The following USP43 variants were observed in gnomAD, a reference collection of about 807,000 sequenced individuals.
USP43 encodes the protein ubiquitin specific peptidase 43.
Under a neutral mutation model 90.7 loss-of-function variants are expected in USP43, and 33 were observed. The ratio of observed to expected loss-of-function variants is 0.36; its 90% CI spans 0.28 to 0.49. USP43 has a LOEUF of 0.49. Among genes scored for constraint, USP43 ranks in the 20% least tolerant of loss-of-function variants. The pLI is 0.98. For missense variants in USP43, 1,274 were observed against 1,476.4 expected, an observed-to-expected ratio of 0.86 and a Z score of 2.25; for synonymous variants, 598 against 615.8, an observed-to-expected ratio of 0.97 and a Z score of 0.43.
chr17:9,668,262 T>C (rs920262411), intron 3 of USP43, among the ~76,000 whole-genome samples: 4 of 152,236 alleles, frequency 2.6e-5, no homozygotes, highest in African/African-American at 9.6e-5. Flanking sequence ...TCTTATTGAC[T>C]TCTCTTCAAA....
intron 9 of USP43, among the ~76,000 whole-genome samples, chr17:9,698,374 C>T (rs1487483221): frequency 5.9e-5 from 9 of 152,120 alleles, no homozygotes; most frequent in African/African-American, 2.2e-4. Flanking sequence ...CATTTGCTTT[C>T]GAGGTCTCAG....
At chr17:9,681,097 C>CATATAGTATATAAT (rs1914148514) in intron 6 of USP43, among the ~76,000 whole-genome samples, 2 of 71,202 alleles carry the variant, frequency 2.8e-5, no homozygotes, top group African/African-American at 1.4e-4. Flanking sequence ...TAATATATGA[C>CATATAGTATATAAT]ATATACTATA....
chr17:9,666,348 G>A (rs16958564), intron 2 of USP43, among the ~76,000 whole-genome samples: 34,491 of 151,966 alleles, frequency 0.23, 4,547 homozygotes, highest in African/African-American at 0.37. Flanking sequence ...GAAATAACGC[G>A]CAGGGCCGTC....
chr17:9,712,181 G>A, intron 14 of USP43, 49 bp downstream of exon 14: 1 of 1,508,424 alleles, frequency 6.6e-7, no homozygotes, highest in Non-Finnish European at 8.9e-7. Flanking sequence ...TGTAATGTCT[G>A]TTGTTATTGC....
chr17:9,693,432 G>A (rs1014794782), intron 9 of USP43, among the ~76,000 whole-genome samples: 3 of 152,070 alleles, frequency 2.0e-5, no homozygotes, highest in Non-Finnish European at 2.9e-5. Flanking sequence ...TATTATGTCC[G>A]CTTCAAAGAT....
rs541909787 is a variant in USP43, at chr17:9,674,273, GA to G, written c.741-617del. ...CATTCTTTTCCCTTTTAAAAAAACG[GA>G]GGTGAAAGTCCTGTAACATAAAGTT... is the stretch of plus-strand genomic sequence containing the variant. On this transcript the variant is annotated intron_variant, in intron 3 of 14. Coordinates refer to ENST00000285199, the MANE Select transcript of USP43 (RefSeq NM_153210.5). The surrounding 1 kb of genome is among the most constrained non-coding windows in gnomAD (Gnocchi z 4.4). Among the ~76,000 whole-genome samples, 57 of 152,208 alleles carry G rather than the reference GA, an allele frequency of 3.7e-4. No homozygotes were observed. The East Asian group carries it at 0.01, about 27-fold the overall frequency.
chr17:9,718,897 A>G (rs936235838), intron 14 of USP43, among the ~76,000 whole-genome samples: 2 of 151,304 alleles, frequency 1.3e-5, no homozygotes, highest in South Asian at 2.1e-4. Flanking sequence ...TATTTCATGC[A>G]GTATGTTTTG....
chr17:9,668,222 T>C (rs1017837955), intron 3 of USP43, among the ~76,000 whole-genome samples: 19 of 152,158 alleles, frequency 1.2e-4, no homozygotes, highest in Admixed American at 2.6e-4. Flanking sequence ...TCTGCAGTGG[T>C]TTTTTGGAGG....
chr17:9,688,134 C>T (rs966068636), intron 8 of USP43, among the ~76,000 whole-genome samples: 10 of 151,562 alleles, frequency 6.6e-5, no homozygotes, highest in Non-Finnish European at 1.5e-4. Context: ...TACAGGCGCC[C>T]GCCACCACGC....
At chr17:9,707,619 C>T (rs1056366550) in intron 12 of USP43, among the ~76,000 whole-genome samples, 16 of 146,124 alleles carry the variant, frequency 1.1e-4, no homozygotes, top group Non-Finnish European at 2.1e-4. Context: ...TGCACTCCAG[C>T]CTGGGCGACA....
In USP43 at chr17:9,686,938, T is replaced by A. The variant is rs765673555; in HGVS notation, c.1353+29T>A. 1.3e-6 allele frequency: 2 copies of A among 1,581,054 alleles called. No individual in the cohort carries two copies. Among genetic ancestry groups the A allele is most frequent in the Non-Finnish European group, 1.7e-6 (2 of 1,154,034 alleles). ...AGTGGTGTGCATGCGTGTGTGTGTG[T>A]GTGCGTGCATGCGCATGTGCATGCG... On this transcript the variant is annotated intron_variant, in intron 8 of 14. Coordinates refer to ENST00000285199, the MANE Select transcript of USP43 (RefSeq NM_153210.5). This position sits in a 1 kb window ranked among gnomAD's most constrained non-coding sequence, Gnocchi z 5.5.
At chr17:9,652,212 CAAAAA>C (rs769295315) in intron 1 of USP43, among the ~76,000 whole-genome samples, 2 of 42,712 alleles carry the variant, frequency 4.7e-5, no homozygotes, top group Admixed American at 5.1e-4. Flanking sequence ...GCCCTTAGCG[CAAAAA>C]AAAAAAAAAA....
intron 2 of USP43, among the ~76,000 whole-genome samples, chr17:9,661,831 ATCCTG>A (rs1912663913): frequency 1.3e-5 from 2 of 151,928 alleles, no homozygotes. Flanking sequence ...TCCCTGGGTG[ATCCTG>A]TCCATAGCCC....
intron 6 of USP43, among the ~76,000 whole-genome samples, chr17:9,681,481 T>TATA (rs1555550118): frequency 7.5e-5 from 2 of 26,662 alleles, no homozygotes; most frequent in African/African-American, 2.1e-4. Flanking sequence ...TATATATATA[T>TATA]ATATATATAT....
At chr17:9,656,313 T>G (rs1912239811) in intron 1 of USP43, 90 bp from the exon 2 acceptor site, 2 of 1,494,770 alleles carry the variant, frequency 1.3e-6, no homozygotes, top group African/African-American at 2.8e-5. Flanking sequence ...GGCTGAATAA[T>G]GACCACTTGG....
intron 8 of USP43, among the ~76,000 whole-genome samples, chr17:9,689,071 T>G (rs1270958335): frequency 6.6e-6 from 1 of 152,184 alleles, no homozygotes; most frequent in Non-Finnish European, 1.5e-5. Flanking sequence ...CAGCCACAGA[T>G]GCTTTTTCAC....
chr17:9,663,511 T>A (rs563498855), intron 2 of USP43, among the ~76,000 whole-genome samples: 12 of 152,300 alleles, frequency 7.9e-5, no homozygotes, highest in Non-Finnish European at 1.6e-4. Context: ...TTGGCCGGGC[T>A]GGTCTTGAAC....
At chr17:9,676,560 TG>T (rs1913793170) in intron 4 of USP43, among the ~76,000 whole-genome samples, 185 bp from the exon 5 acceptor site, 1 of 152,096 alleles carries the variant, frequency 6.6e-6, no homozygotes, top group African/African-American at 2.4e-5. Context: ...TTAGTAGAGA[TG>T]GGGTTTCACC....
chr17:9,716,751 A>G (rs978693540), intron 14 of USP43, among the ~76,000 whole-genome samples: 4 of 152,170 alleles, frequency 2.6e-5, no homozygotes, highest in East Asian at 1.9e-4. Flanking sequence ...TGAGTTATTT[A>G]TGGATTCTCC....
Sources: gnomAD v4.1 joint callset for allele counts (sites outside exome capture counted in the v4.1 genomes callset) on GRCh38, gnomAD v4.1.1 for gene constraint, Gnocchi (gnomAD v3.1) non-coding constraint, MANE v1.5 for transcripts, NCBI Gene and HGNC (gene_info 2026-07-23, HGNC 2026-07-21) for gene names.